Variants in FHIT observed in about 807,000 individuals in gnomAD.
The protein encoded by FHIT is fragile histidine triad diadenosine triphosphatase.
FHIT carries 19 observed loss-of-function variants against 17.9 expected under a neutral mutation model. That is an observed-to-expected ratio of 1.06 (90% confidence interval 0.74 to 1.56). FHIT has a LOEUF of 1.56. FHIT is among the 40% of genes most tolerant of loss of function. The probability of loss-of-function intolerance (pLI) is 0.00; values close to 1 mark genes in which losing one functional copy is unlikely to be tolerated. For synonymous variants in FHIT, 81 were observed against 69.7 expected, an observed-to-expected ratio of 1.16 and a Z score of -0.81; for missense variants, 248 against 189.2, an observed-to-expected ratio of 1.31 and a Z score of -1.82.
intron 3 of FHIT, among the ~76,000 whole-genome samples, chr3:60,828,371 C>A (rs1300213603): frequency 6.6e-6 from 1 of 152,046 alleles, no homozygotes; most frequent in Non-Finnish European, 1.5e-5. Flanking sequence ...TCCTTCAACG[C>A]TCATTAAAAG....
intron 5 of FHIT, among the ~76,000 whole-genome samples, chr3:60,341,466 T>C (rs1243018222): frequency 6.6e-6 from 1 of 152,178 alleles, no homozygotes; most frequent in Non-Finnish European, 1.5e-5. Context: ...CAGGATTGAA[T>C]GAGAAAAATG....
chr3:61,179,268 G>A (rs9871498), intron 2 of FHIT, among the ~76,000 whole-genome samples: 37,426 of 151,694 alleles, frequency 0.25, 5,557 homozygotes, highest in East Asian at 0.71. Flanking sequence ...TCGGCCTCCC[G>A]AAGTGCTGGG....
At chr3:59,772,536 A>G (rs1013737927) in intron 8 of FHIT, among the ~76,000 whole-genome samples, 3 of 152,210 alleles carry the variant, frequency 2.0e-5, no homozygotes, top group African/African-American at 7.2e-5. Context: ...GAGCACAGAG[A>G]GGTCGGGGAA....
intron 3 of FHIT, among the ~76,000 whole-genome samples, chr3:60,994,219 T>C (rs1392545125): frequency 6.6e-6 from 1 of 152,222 alleles, no homozygotes; most frequent in Non-Finnish European, 1.5e-5. Flanking sequence ...ATGTATTTCA[T>C]TTGGATGACA....
chr3:60,519,728 A>G (rs1031901777), intron 5 of FHIT, among the ~76,000 whole-genome samples: 2 of 152,168 alleles, frequency 1.3e-5, no homozygotes, highest in Non-Finnish European at 2.9e-5. Context: ...AAGGAATTTA[A>G]CCTTTTCTTG....
chr3:60,955,839 T>C (rs1709128503), intron 3 of FHIT, among the ~76,000 whole-genome samples: 1 of 151,924 alleles, frequency 6.6e-6, no homozygotes, highest in African/African-American at 2.4e-5. Flanking sequence ...TGGTGGTTCA[T>C]GGGTGTTTAG....
chr3:60,556,740 G>A (rs188723745), intron 4 of FHIT, among the ~76,000 whole-genome samples: 1 of 152,358 alleles, frequency 6.6e-6, no homozygotes, highest in Admixed American at 6.5e-5. Context: ...AGAGGCTGGT[G>A]GTAGAGAAGA....
intron 5 of FHIT, among the ~76,000 whole-genome samples, chr3:60,470,074 C>CTCTCTCTCTCTCTT (rs2033012042): frequency 6.6e-6 from 1 of 151,610 alleles, no homozygotes; most frequent in South Asian, 2.1e-4. Context: ...CTCTCTCTCT[C>CTCTCTCTCTCTCTT]TCTCTCCAGA....
intron 2 of FHIT, among the ~76,000 whole-genome samples, chr3:61,143,658 G>T (rs1376003913): frequency 2.0e-5 from 3 of 152,288 alleles, no homozygotes; most frequent in African/African-American, 7.2e-5. Flanking sequence ...CTGAGGTCAG[G>T]AGTTCAAGAC....
chr3:60,127,496 A>G (rs1243842016), intron 5 of FHIT, among the ~76,000 whole-genome samples: 3 of 152,166 alleles, frequency 2.0e-5, no homozygotes, highest in Non-Finnish European at 4.4e-5. Flanking sequence ...TAAACTCCCC[A>G]TGATATGAAC....
intron 4 of FHIT, among the ~76,000 whole-genome samples, chr3:60,747,697 C>A (rs566253956): frequency 7.0e-4 from 106 of 152,260 alleles, no homozygotes; most frequent in African/African-American, 2.5e-3. Context: ...GAATCAACGA[C>A]AATTCAATGT....
At chr3:60,224,968 G>T (rs888969049) in intron 5 of FHIT, among the ~76,000 whole-genome samples, 26 of 152,108 alleles carry the variant, frequency 1.7e-4, no homozygotes, top group African/African-American at 6.3e-4. Flanking sequence ...GGATCTGTTT[G>T]CCTAGGCCTC....
At chr3:60,925,627 C>G (rs539709158) in intron 3 of FHIT, among the ~76,000 whole-genome samples, 11 of 152,262 alleles carry the variant, frequency 7.2e-5, no homozygotes, top group African/African-American at 2.6e-4. Flanking sequence ...TAAAGCCCAT[C>G]GAGGCTAGGA....
intron 4 of FHIT, among the ~76,000 whole-genome samples, chr3:60,551,646 G>C (rs1402102051): frequency 7.0e-6 from 1 of 141,912 alleles, no homozygotes; most frequent in African/African-American, 2.7e-5. Context: ...TATAGTCCCA[G>C]CTACTCCAGA....
At chr3:60,308,982 T>C (rs1222505645) in intron 5 of FHIT, among the ~76,000 whole-genome samples, 3 of 152,114 alleles carry the variant, frequency 2.0e-5, no homozygotes, top group African/African-American at 7.2e-5. Flanking sequence ...ACACACCCAG[T>C]ACGAAAATGG....
Position 59,844,394 on chromosome 3 carries a change from G to A in FHIT, c.348+77952C>T, listed in dbSNP as rs373251703. Among the ~76,000 whole-genome samples, 72 of 152,180 alleles carry A rather than the reference G, an allele frequency of 4.7e-4. No individual in the cohort carries two copies. The South Asian group carries it at 0.013, about 28-fold the overall frequency. ...CTTGATCATAGAGGCAAATCTTTCA[G>A]TCTTTCGTCACTGAACATGATGTTC... On this transcript the variant is annotated intron_variant, in intron 8 of 9. Transcript: ENST00000492590.
chr3:60,234,469 T>A (rs1704665995), intron 5 of FHIT, among the ~76,000 whole-genome samples: 1 of 152,218 alleles, frequency 6.6e-6, no homozygotes, highest in African/African-American at 2.4e-5. Context: ...ATTATTCTGA[T>A]ACCGAATATA....
chr3:61,043,448 G>A (rs2107696705), intron 2 of FHIT, among the ~76,000 whole-genome samples: 1 of 152,310 alleles, frequency 6.6e-6, no homozygotes, highest in East Asian at 1.9e-4. Flanking sequence ...CATTGCTGAG[G>A]CTTGAGTAGG....
chr3:59,931,320 T>G (rs1705960830), intron 7 of FHIT, among the ~76,000 whole-genome samples: 1 of 152,200 alleles, frequency 6.6e-6, no homozygotes, highest in South Asian at 2.1e-4. Context: ...TTCGCCTTTC[T>G]TGATTTGGGG....
Sources: gnomAD v4.1 joint callset for allele counts (sites outside exome capture counted in the v4.1 genomes callset) on GRCh38, gnomAD v4.1.1 for gene constraint, MANE v1.5 for transcripts, NCBI Gene and HGNC (gene_info 2026-07-23, HGNC 2026-07-21) for gene names.